SGCD: variants seen among roughly 807,000 people sequenced by gnomAD.
The protein encoded by SGCD is delta-sarcoglycan.
In SGCD, 18 loss-of-function variants were observed where a neutral mutation model predicts 36.6. The ratio of observed to expected loss-of-function variants is 0.49; its 90% CI spans 0.34 to 0.73. SGCD has a LOEUF of 0.73. Among genes scored for constraint, SGCD ranks in the 30% least tolerant of loss-of-function variants. The pLI, the probability that SGCD is intolerant of heterozygous loss-of-function variation, is 0.01. For missense variants in SGCD, 387 were observed against 346.7 expected, an observed-to-expected ratio of 1.12 and a Z score of -0.92; for synonymous variants, 133 against 130.6, an observed-to-expected ratio of 1.02 and a Z score of -0.12.
chr5:156,218,618 T>A (rs1179827732), intron 3 of SGCD, among the ~76,000 whole-genome samples: 1 of 152,146 alleles, frequency 6.6e-6, no homozygotes, highest in African/African-American at 2.4e-5. Context: ...TGGCCTGAAT[T>A]TTGTGTGAGA....
At chr5:156,737,421 CA>C (rs1756431326) in intron 7 of SGCD, among the ~76,000 whole-genome samples, 1 of 152,166 alleles carries the variant, frequency 6.6e-6, no homozygotes, top group Admixed American at 6.5e-5. Context: ...TTTTATTTAG[CA>C]CATTGCCTAC....
intron 3 of SGCD, among the ~76,000 whole-genome samples, chr5:156,194,915 A>G (rs1763986842): frequency 6.6e-6 from 1 of 152,170 alleles, no homozygotes; most frequent in African/African-American, 2.4e-5. Context: ...ATACATATTG[A>G]ACACATAGTA....
chr5:156,448,483 C>T (rs1753843057), intron 3 of SGCD, among the ~76,000 whole-genome samples: 1 of 152,102 alleles, frequency 6.6e-6, no homozygotes, highest in Non-Finnish European at 1.5e-5. Flanking sequence ...GCAGCAGCCT[C>T]TCCATGGAAC....
chr5:156,335,608 A>AC (rs1768306874), intron 2 of SGCD, among the ~76,000 whole-genome samples: 1 of 152,074 alleles, frequency 6.6e-6, no homozygotes, highest in African/African-American at 2.4e-5. Flanking sequence ...TGTGCCTTCA[A>AC]CATTAACACG....
intron 1 of SGCD, among the ~76,000 whole-genome samples, chr5:155,897,336 T>C (rs1756287623): frequency 6.6e-6 from 1 of 152,190 alleles, no homozygotes; most frequent in African/African-American, 2.4e-5. Flanking sequence ...GCACTTACCA[T>C]GAATGGAGCT....
chr5:156,727,338 T>A (rs769461209), intron 7 of SGCD, among the ~76,000 whole-genome samples: 37 of 152,150 alleles, frequency 2.4e-4, no homozygotes, highest in Non-Finnish European at 4.4e-4. Context: ...GAGTTATTTC[T>A]AAAGCTGGAT....
chr5:156,217,564 C>G (rs1764606175), intron 3 of SGCD, among the ~76,000 whole-genome samples: 1 of 152,146 alleles, frequency 6.6e-6, no homozygotes, highest in Non-Finnish European at 1.5e-5. Context: ...TTCATTTCAA[C>G]TGTACTATTT....
rs1757613368 is a variant in SGCD, at chr5:156,767,471, G to C, written c.*8081G>C. ...TGGTGAGGTCATGGAAGTCCCATTT[G>C]CTTGGAGATTTTGAAAAAAAAAAAA... On this transcript the variant is annotated 3_prime_UTR_variant, in exon 9 of 9. Coordinates refer to ENST00000337851, the MANE Select transcript of SGCD (RefSeq NM_000337.6). 7.5e-6 allele frequency: 1 copy of C among 133,540 alleles called. No individual in the cohort carries two copies. The highest frequency in any genetic ancestry group is 1.5e-5 in the Non-Finnish European group (1 of 64,794). The allele number at this position is 133,540 out of a possible 1,614,324, so 8.3% of individuals were successfully genotyped here.
the SGCD span, among the ~76,000 whole-genome samples, chr5:155,817,364 A>G: frequency 2.0e-5 from 3 of 151,118 alleles, no homozygotes; most frequent in Non-Finnish European, 4.4e-5. Flanking sequence ...GGGTCCTGCA[A>G]GTTTTACTTG....
intron 1 of SGCD, among the ~76,000 whole-genome samples, chr5:156,020,161 G>C (rs1425680551): frequency 6.6e-6 from 1 of 152,112 alleles, no homozygotes; most frequent in Non-Finnish European, 1.5e-5. Context: ...ACACAACAGA[G>C]CTTATGTTGC....
At chr5:156,686,007 C>T (rs1258304172) in intron 7 of SGCD, among the ~76,000 whole-genome samples, 1 of 152,170 alleles carries the variant, frequency 6.6e-6, no homozygotes, top group Non-Finnish European at 1.5e-5. Context: ...CAAACTTGCA[C>T]ATATACCTCT....
chr5:155,994,154 A>G (rs1758491550), intron 1 of SGCD, among the ~76,000 whole-genome samples: 1 of 152,198 alleles, frequency 6.6e-6, no homozygotes, highest in Non-Finnish European at 1.5e-5. Flanking sequence ...CATGCTAGAC[A>G]TCATACACTT....
At chr5:156,162,289 G>T (rs1394115670) in intron 3 of SGCD, among the ~76,000 whole-genome samples, 1 of 151,558 alleles carries the variant, frequency 6.6e-6, no homozygotes, top group Non-Finnish European at 1.5e-5. Context: ...CTACTGTTGG[G>T]GAAGCTACCT....
chr5:155,762,612 A>G, the SGCD span, among the ~76,000 whole-genome samples: 273 of 152,284 alleles, frequency 1.8e-3, 1 homozygote, highest in African/African-American at 6.3e-3. Flanking sequence ...ATGCTGCTAC[A>G]TATAATGTAA....
intron 3 of SGCD, among the ~76,000 whole-genome samples, chr5:156,314,160 C>A (rs1199180344): frequency 6.6e-6 from 1 of 151,782 alleles, no homozygotes; most frequent in African/African-American, 2.4e-5. Flanking sequence ...AAACAAAAGG[C>A]CAAATCTATA....
chr5:156,602,036 G>T (rs916242923), intron 6 of SGCD, among the ~76,000 whole-genome samples: 3 of 152,134 alleles, frequency 2.0e-5, no homozygotes, highest in Non-Finnish European at 4.4e-5. Flanking sequence ...GTTTTGGGTA[G>T]TATGGACATT....
At chr5:155,848,219 G>T in the SGCD span, among the ~76,000 whole-genome samples, 1 of 152,146 alleles carries the variant, frequency 6.6e-6, no homozygotes, top group South Asian at 2.1e-4. Context: ...ATAAGGCAGT[G>T]TAAGAGGACA....
intron 3 of SGCD, among the ~76,000 whole-genome samples, chr5:156,374,966 T>C (rs925734487): frequency 6.6e-6 from 1 of 152,216 alleles, no homozygotes; most frequent in Non-Finnish European, 1.5e-5. Context: ...CTACTTACTA[T>C]AGAACATCAC....
intron 1 of SGCD, among the ~76,000 whole-genome samples, chr5:156,080,052 A>G (rs1254657443): frequency 6.6e-6 from 1 of 152,234 alleles, no homozygotes; most frequent in Non-Finnish European, 1.5e-5. Flanking sequence ...AGAGGCTGCC[A>G]TGTCTCCTTC....
Sources: allele counts gnomAD v4.1 joint callset (sites outside exome capture counted in the v4.1 genomes callset), GRCh38; gene constraint gnomAD v4.1.1; transcripts MANE v1.5; gene names NCBI Gene and HGNC (gene_info 2026-07-23, HGNC 2026-07-21).